The following TTBK2 variants were observed in gnomAD, a reference collection of about 807,000 sequenced individuals.
TTBK2 encodes the protein tau-tubulin kinase 2.
In TTBK2, 28 loss-of-function variants were observed where a neutral mutation model predicts 110.8. That is an observed-to-expected ratio of 0.25 (90% CI 0.19 to 0.35). TTBK2 has a LOEUF of 0.35. Ranked by LOEUF, TTBK2 falls within the 10% of genes least tolerant of loss-of-function variation. TTBK2 has a pLI of 1.00. For synonymous variants in TTBK2, 532 were observed against 527.3 expected, an observed-to-expected ratio of 1.01 and a Z score of -0.12; for missense variants, 1,369 against 1,500.3, an observed-to-expected ratio of 0.91 and a Z score of 1.45.
At chr15:42,826,167 A>C (rs1196922200) in intron 6 of TTBK2, among the ~76,000 whole-genome samples, 1 of 152,194 alleles carries the variant, frequency 6.6e-6, no homozygotes, top group Non-Finnish European at 1.5e-5. Flanking sequence ...CTACAATGGG[A>C]ACTTTTGATT....
chr15:42,776,442 G>A (rs1889925305), intron 12 of TTBK2, among the ~76,000 whole-genome samples: 2 of 152,192 alleles, frequency 1.3e-5, no homozygotes, highest in African/African-American at 4.8e-5. Context: ...TCAAAACCAT[G>A]CACTACAATC....
intron 1 of TTBK2, among the ~76,000 whole-genome samples, chr15:42,905,385 C>T (rs773420932): frequency 1.3e-5 from 2 of 152,048 alleles, no homozygotes; most frequent in African/African-American, 2.4e-5. Context: ...ATGATCTCCC[C>T]GTCTCAGCCT....
At chr15:42,768,289 A>G (rs199859849) in intron 13 of TTBK2, among the ~76,000 whole-genome samples, 67 of 149,966 alleles carry the variant, frequency 4.5e-4, no homozygotes, top group South Asian at 6.3e-4. Flanking sequence ...AAAGAAATAA[A>G]GGGTATTCAA....
At position 42,740,179 on chromosome 15, in the gene TTBK2, T is replaced by G. The variant is rs1013505180; in HGVS notation, c.*5616A>C. On this transcript the variant is annotated 3_prime_UTR_variant, in exon 15 of 15. Coordinates refer to ENST00000267890, the MANE Select transcript of TTBK2 (RefSeq NM_173500.4). The stretch of plus-strand genomic sequence containing the variant: ...GGAGGCATGGTCAGCATCGCCAGTG[T>G]ACATATATTCTGTGCCCATACTACC... 2.0e-5 allele frequency: 3 copies of G among 152,170 alleles called. No individual in the cohort carries two copies. Among genetic ancestry groups the G allele is most frequent in the Non-Finnish European group, 4.4e-5 (3 of 68,042 alleles). 9.4% of individuals were successfully genotyped at this position (152,170 alleles called of 1,614,324 possible).
At chr15:42,800,874 G>A in intron 9 of TTBK2, 2 of 615,232 alleles carry the variant, frequency 3.3e-6, no homozygotes, top group South Asian at 1.9e-5. Flanking sequence ...TGAGCCTCGG[G>A]TGGGTCTCCC....
intron 9 of TTBK2, among the ~76,000 whole-genome samples, chr15:42,809,647 G>A (rs2140922075): frequency 6.6e-6 from 1 of 152,260 alleles, no homozygotes; most frequent in East Asian, 1.9e-4. Context: ...CACACACAGT[G>A]TATTTTCTCA....
intron 13 of TTBK2, among the ~76,000 whole-genome samples, chr15:42,769,762 T>C (rs1889575816): frequency 6.6e-6 from 1 of 152,228 alleles, no homozygotes; most frequent in African/African-American, 2.4e-5. Context: ...TTACTGGGTA[T>C]ATACCCAAAG....
At chr15:42,779,170 G>C (rs925243518) in intron 11 of TTBK2, among the ~76,000 whole-genome samples, 1 of 152,084 alleles carries the variant, frequency 6.6e-6, no homozygotes, top group African/African-American at 2.4e-5. Context: ...CTTTGGGAGG[G>C]AGGTGGGTGA....
rs894119688 is a variant in TTBK2, at chr15:42,802,883, C to T, written c.822+7731G>A. ...AATCTGGGCACTATCTAATCAGATG[C>T]CAGTGAATATAAAGCAGGCAGAAAA... is the stretch of plus-strand genomic sequence containing the variant. On this transcript the variant is annotated intron_variant, in intron 9 of 14. Transcript: ENST00000267890. 2.8e-4 allele frequency among the ~76,000 whole-genome samples: 43 copies of T among 152,142 alleles called. 1 individual carries two copies. Among genetic ancestry groups the T allele is most frequent in the Admixed American group, 2.8e-3 (43 of 15,278 alleles).
rs891102274 is a variant in TTBK2, at chr15:42,743,020, T to A, written c.*2775A>T. 6.6e-6 allele frequency: 1 copy of A among 152,148 alleles called. No individual in the cohort carries two copies. The highest frequency in any genetic ancestry group is 3.2e-3 in the Middle Eastern group (1 of 316). The allele number at this position is 152,148 out of a possible 1,614,324, so 9.4% of individuals were successfully genotyped here. A position where few individuals can be genotyped will look rare whatever the true frequency, so the allele number is the denominator to read the frequency against. ...ACTTCTATTTTTCACCTGAGAGACA[T>A]CTAAAAGCGCAAACTATGCTTGTAA... On this transcript the variant is annotated 3_prime_UTR_variant, in exon 15 of 15. Coordinates refer to ENST00000267890, the MANE Select transcript of TTBK2 (RefSeq NM_173500.4).
At chr15:42,867,592 A>G (rs1894426043) in intron 3 of TTBK2, among the ~76,000 whole-genome samples, 2 of 152,226 alleles carry the variant, frequency 1.3e-5, no homozygotes, top group African/African-American at 4.8e-5. Context: ...AGCGCTCCAT[A>G]TCACACATCA....
At chr15:42,847,267 T>C (rs1893506876) in intron 3 of TTBK2, among the ~76,000 whole-genome samples, 1 of 152,216 alleles carries the variant, frequency 6.6e-6, no homozygotes, top group Non-Finnish European at 1.5e-5. Context: ...TTATTAAATA[T>C]TTTTAATTGT....
intron 9 of TTBK2, among the ~76,000 whole-genome samples, chr15:42,804,008 C>CAAA (rs781131720): frequency 1.6e-4 from 8 of 51,016 alleles, no homozygotes; most frequent in Non-Finnish European, 3.8e-4. Flanking sequence ...GCGAGGAGTG[C>CAAA]AAAAAAAAAA....
At chr15:42,910,340 C>T (rs1314884244) in intron 1 of TTBK2, among the ~76,000 whole-genome samples, 1 of 151,956 alleles carries the variant, frequency 6.6e-6, no homozygotes, top group Non-Finnish European at 1.5e-5. Context: ...AAAGAAACAA[C>T]CTTAGAAGCA....
intron 13 of TTBK2, among the ~76,000 whole-genome samples, chr15:42,763,188 ATATATTTTTT>A (rs1889174477): frequency 4.1e-5 from 1 of 24,540 alleles, no homozygotes; most frequent in African/African-American, 2.3e-4. Context: ...ATATATATAT[ATATATTTTTT>A]TTTTTTTTTT....
chr15:42,880,865 C>T (rs1895010019), intron 1 of TTBK2, among the ~76,000 whole-genome samples: 1 of 151,872 alleles, frequency 6.6e-6, no homozygotes, highest in Non-Finnish European at 1.5e-5. Flanking sequence ...TCAAAACAAA[C>T]TGAAACCAGT....
chr15:42,830,114 C>A, intron 4 of TTBK2, 36 bp from the exon 5 acceptor site: 1 of 1,612,566 alleles, frequency 6.2e-7, no homozygotes, highest in Non-Finnish European at 8.5e-7. Context: ...AAATACAGTA[C>A]TAAAACTATA....
chr15:42,841,097 G>T (rs924264032), intron 3 of TTBK2, among the ~76,000 whole-genome samples: 5 of 152,146 alleles, frequency 3.3e-5, no homozygotes, highest in African/African-American at 1.2e-4. Context: ...TTTGTTTTTT[G>T]ACACCACTGA....
At chr15:42,906,782 A>G (rs2030425969) in intron 1 of TTBK2, among the ~76,000 whole-genome samples, 1 of 152,254 alleles carries the variant, frequency 6.6e-6, no homozygotes, top group Non-Finnish European at 1.5e-5. Context: ...TCCATCTGAC[A>G]AGGAGTTAAC....
Sources: gnomAD v4.1 joint callset for allele counts (sites outside exome capture counted in the v4.1 genomes callset) on GRCh38, gnomAD v4.1.1 for gene constraint, MANE v1.5 for transcripts, NCBI Gene and HGNC (gene_info 2026-07-23, HGNC 2026-07-21) for gene names.